CAST: variants seen among roughly 807,000 people sequenced by gnomAD.
CAST encodes the protein MIR583 host.
In CAST, 76 loss-of-function variants were observed where a neutral mutation model predicts 119.6. That is an observed-to-expected ratio of 0.64 (90% CI 0.53 to 0.77). CAST has a LOEUF of 0.77. Among genes scored for constraint, CAST ranks in the 30% least tolerant of loss-of-function variants. The probability of loss-of-function intolerance (pLI) is 0.00; values close to 1 mark genes in which losing one functional copy is unlikely to be tolerated. For missense variants in CAST, 953 were observed against 946.5 expected (o/e 1.01, Z -0.09); for synonymous variants, 319 against 331.6 (o/e 0.96, Z 0.41).
At chr5:96,106,260 G>C in the CAST span, among the ~76,000 whole-genome samples, 1 of 151,960 alleles carries the variant, frequency 6.6e-6, no homozygotes, top group Non-Finnish European at 1.5e-5. Context: ...CTTGCCTTCT[G>C]CTAGCTTTTG....
the CAST span, among the ~76,000 whole-genome samples, chr5:96,442,561 T>C: frequency 5.9e-5 from 9 of 152,380 alleles, no homozygotes; most frequent in East Asian, 1.7e-3. Context: ...TCCCTGGCAT[T>C]AATGCCCAAC....
the CAST span, among the ~76,000 whole-genome samples, chr5:96,119,906 C>T: frequency 9.9e-5 from 15 of 152,164 alleles, no homozygotes; most frequent in Non-Finnish European, 1.8e-4. Flanking sequence ...CCACGGCAGT[C>T]TGGTAAGAAC....
chr5:96,343,757 A>C, the CAST span, among the ~76,000 whole-genome samples: 1 of 152,236 alleles, frequency 6.6e-6, no homozygotes, highest in East Asian at 1.9e-4. Flanking sequence ...ACTGGTCCAG[A>C]AAATAATGGT....
intron 2 of CAST, among the ~76,000 whole-genome samples, chr5:96,688,661 G>A (rs996316300): frequency 6.6e-6 from 1 of 152,060 alleles, no homozygotes; most frequent in Non-Finnish European, 1.5e-5. Context: ...GTTATCATGT[G>A]CATATTTTTG....
At chr5:96,314,627 A>T in the CAST span, among the ~76,000 whole-genome samples, 4 of 152,098 alleles carry the variant, frequency 2.6e-5, no homozygotes, top group Non-Finnish European at 4.4e-5. Flanking sequence ...TGCCTGGGTA[A>T]TTCTTACTTG....
intron 1 of CAST, chr5:96,663,186 C>T (rs1277237417): frequency 2.8e-6 from 2 of 702,544 alleles, no homozygotes; most frequent in Non-Finnish European, 5.2e-6. Flanking sequence ...AGCGGTTGTG[C>T]CTGGGCAGGA....
At chr5:96,507,431 A>G in the CAST span, among the ~76,000 whole-genome samples, 1 of 152,320 alleles carries the variant, frequency 6.6e-6, no homozygotes, top group Non-Finnish European at 1.5e-5. Flanking sequence ...TCATGAATAC[A>G]TATGAGTCAG....
chr5:96,564,141 G>A (rs1158712403), intron 1 of CAST, among the ~76,000 whole-genome samples: 2 of 152,076 alleles, frequency 1.3e-5, no homozygotes, highest in African/African-American at 4.8e-5. Flanking sequence ...TGATATGCAG[G>A]AAAAAGATCC....
At chr5:96,672,448 G>A (rs1020662945) in intron 1 of CAST, among the ~76,000 whole-genome samples, 4 of 152,126 alleles carry the variant, frequency 2.6e-5, no homozygotes, top group Non-Finnish European at 5.9e-5. Context: ...GGTGGCTCAC[G>A]CCTGTAATCC....
chr5:96,557,639 C>G (rs1339179132), intron 1 of CAST, among the ~76,000 whole-genome samples: 1 of 152,194 alleles, frequency 6.6e-6, no homozygotes, highest in East Asian at 1.9e-4. Flanking sequence ...GGGATCAATT[C>G]AACAAGAAGA....
the CAST span, among the ~76,000 whole-genome samples, chr5:96,495,736 A>G: frequency 6.6e-5 from 10 of 152,196 alleles, no homozygotes; most frequent in Non-Finnish European, 1.3e-4. Flanking sequence ...CTAAGTGTGC[A>G]TGTGTCTTTA....
chr5:96,225,758 T>C, the CAST span, among the ~76,000 whole-genome samples: 21,554 of 152,188 alleles, frequency 0.14, 2,067 homozygotes, highest in African/African-American at 0.25. Context: ...TACTCAAAGA[T>C]AGACACATAA....
rs115584500 is a variant in CAST at position 96,663,675 on chromosome 5, A to G, written c.75+1178A>G. The stretch of plus-strand genomic sequence containing the variant: ...TCCCAAACATCAAGGGGCAGAAGCA[A>G]CTGAGATCTGAGACCAAGACCCTTG... On this transcript the variant is annotated intron_variant, in intron 1 of 31. Coordinates refer to ENST00000675179, the MANE Select transcript of CAST (RefSeq NM_001750.7). Among the ~76,000 whole-genome samples the G allele has an allele frequency of 2.9e-3, 446 of 152,324 alleles. 3 individuals are homozygous for G. Among genetic ancestry groups the G allele is most frequent in the African/African-American group, 0.01 (434 of 41,578 alleles).
chr5:96,222,255 C>T, the CAST span, among the ~76,000 whole-genome samples: 1 of 152,016 alleles, frequency 6.6e-6, no homozygotes, highest in African/African-American at 2.4e-5. Flanking sequence ...CAAAAATAGA[C>T]ACATGGGACT....
At chr5:96,228,001 CTCTG>C in the CAST span, among the ~76,000 whole-genome samples, 1,510 of 136,688 alleles carry the variant, frequency 0.011, 19 homozygotes, top group African/African-American at 0.036. Context: ...CTCTTTCTCT[CTCTG>C]TGTGTGTGTG....
the CAST span, among the ~76,000 whole-genome samples, chr5:96,451,001 T>C: frequency 2.0e-5 from 3 of 152,228 alleles, no homozygotes; most frequent in African/African-American, 7.2e-5. Flanking sequence ...GATGTCCTGC[T>C]TCTACAGAAT....
At chr5:96,748,482 G>A (rs1010191708) in intron 18 of CAST, 36 bp from the exon 19 acceptor site, 2 of 992,236 alleles carry the variant, frequency 2.0e-6, no homozygotes, top group Admixed American at 4.8e-5. Flanking sequence ...ATAAAAAAGA[G>A]TCCCCTTGTA....
At chr5:96,488,629 A>T in the CAST span, among the ~76,000 whole-genome samples, 3 of 152,160 alleles carry the variant, frequency 2.0e-5, no homozygotes. Flanking sequence ...GAGGCAGCAG[A>T]TCCCTTAGAG....
the CAST span, among the ~76,000 whole-genome samples, chr5:96,041,871 A>G: frequency 2.2e-3 from 336 of 152,270 alleles, 1 homozygote; most frequent in African/African-American, 7.8e-3. Flanking sequence ...CCCAGTTGAT[A>G]TGGCTGGAGC....
Sources: allele counts gnomAD v4.1 joint callset (sites outside exome capture counted in the v4.1 genomes callset), GRCh38; gene constraint gnomAD v4.1.1; transcripts MANE v1.5; gene names NCBI Gene and HGNC (gene_info 2026-07-23, HGNC 2026-07-21).